The following FZD3 variants were observed in gnomAD, a reference collection of about 807,000 sequenced individuals.
FZD3 encodes frizzled-3.
Under a neutral mutation model 60.7 loss-of-function variants are expected in FZD3, and 30 were observed. The ratio of observed to expected loss-of-function variants is 0.49; its 90% CI spans 0.37 to 0.67. The LOEUF (loss-of-function observed/expected upper bound fraction) is 0.67. FZD3 is among the 30% of genes least tolerant of loss of function. FZD3 has a pLI of 0.00. For synonymous variants in FZD3, 246 were observed against 275.2 expected, an observed-to-expected ratio of 0.89 and a Z score of 1.05; for missense variants, 605 against 838.7, an observed-to-expected ratio of 0.72 and a Z score of 3.44.
chr8:28,508,278 TC>T (rs1365762444), intron 3 of FZD3, among the ~76,000 whole-genome samples: 1 of 152,116 alleles, frequency 6.6e-6, no homozygotes, highest in Non-Finnish European at 1.5e-5. Context: ...TTCATAAAAT[TC>T]CGCGTCAAAC....
rs150596120 is a variant in FZD3, at chr8:28,540,278, G to A, written c.1405-11325G>A. Among the ~76,000 whole-genome samples, 263 of 152,242 alleles carry A rather than the reference G, an allele frequency of 1.7e-3. 3 individuals are homozygous for A. The highest frequency in any genetic ancestry group is 6.0e-3 in the African/African-American group (250 of 41,536). ...AGAGTCTCGCTCTGTTACCCAGGCT[G>A]GAGTGCAATGGCACGATCTCGGCTC... On this transcript the variant is annotated intron_variant, in intron 5 of 7. Transcript: ENST00000240093.
At chr8:28,542,118 C>T (rs1216509257) in intron 5 of FZD3, among the ~76,000 whole-genome samples, 7 of 146,292 alleles carry the variant, frequency 4.8e-5, no homozygotes, top group African/African-American at 7.5e-5. Context: ...TTTAACTACT[C>T]CCTGCAGTGC....
At chr8:28,559,370 T>C (rs919542053) in intron 7 of FZD3, among the ~76,000 whole-genome samples, 1 of 152,208 alleles carries the variant, frequency 6.6e-6, no homozygotes, top group Non-Finnish European at 1.5e-5. Flanking sequence ...TTATCATTCT[T>C]TTTGTTACTA....
chr8:28,514,631 C>A (rs1168554079), intron 3 of FZD3, among the ~76,000 whole-genome samples: 1 of 152,148 alleles, frequency 6.6e-6, no homozygotes, highest in Non-Finnish European at 1.5e-5. Flanking sequence ...TAAATAGAAT[C>A]ATGCCGTATC....
rs145468910 is a variant in FZD3, at chr8:28,503,587, G to A, written c.189+385G>A. ...TTTGCTGCCTTATTTGAATTTTTCA[G>A]TGGTAATTCTTCAGACATTTCTTAA... On this transcript the variant is annotated intron_variant, in intron 3 of 7. Transcript: ENST00000240093. Among the ~76,000 whole-genome samples, 63 of 152,292 alleles carry A rather than the reference G, an allele frequency of 4.1e-4. No individual in the cohort carries two copies. In the East Asian group the frequency reaches 0.012, roughly 28 times the overall value.
intron 1 of FZD3, among the ~76,000 whole-genome samples, chr8:28,498,244 A>G (rs569274763): frequency 1.3e-5 from 2 of 152,272 alleles, no homozygotes; most frequent in African/African-American, 4.8e-5. Context: ...TGGCCCCTGA[A>G]GCTGCTCACT....
At chr8:28,501,003 G>A (rs900530033) in intron 2 of FZD3, among the ~76,000 whole-genome samples, 12 of 152,030 alleles carry the variant, frequency 7.9e-5, no homozygotes, top group African/African-American at 1.9e-4. Flanking sequence ...CTCGTGATCC[G>A]CCTGCCTCGG....
At chr8:28,518,939 A>G (rs1166402480) in intron 3 of FZD3, among the ~76,000 whole-genome samples, 1 of 152,204 alleles carries the variant, frequency 6.6e-6, no homozygotes, top group African/African-American at 2.4e-5. Flanking sequence ...TAAATAGATA[A>G]CTTAAAATTT....
At position 28,573,277 on chromosome 8, in the gene FZD3, T is replaced by A. The variant is rs1322697103; in HGVS notation, c.*10266T>A. 1 of 152,156 alleles carries A rather than the reference T, an allele frequency of 6.6e-6. No homozygotes were observed. The highest frequency in any genetic ancestry group is 1.5e-5 in the Non-Finnish European group (1 of 68,006). The allele number at this position is 152,156 out of a possible 1,614,324, so 9.4% of individuals were successfully genotyped here. On this transcript the variant is annotated 3_prime_UTR_variant, in exon 8 of 8. Transcript: ENST00000240093. The stretch of plus-strand genomic sequence containing the variant: ...AGTGTTAGTGACTATAGCCCTTTTA[T>A]CTCTCTTAAAGAGAAATCTGCATTA...
chr8:28,553,333 G>A (rs1805447687), intron 6 of FZD3, among the ~76,000 whole-genome samples: 1 of 152,194 alleles, frequency 6.6e-6, no homozygotes, highest in South Asian at 2.1e-4. Context: ...TGATTTGATA[G>A]CAAACAGAAC....
At chr8:28,539,979 A>G (rs1805121275) in intron 5 of FZD3, among the ~76,000 whole-genome samples, 2 of 152,178 alleles carry the variant, frequency 1.3e-5, no homozygotes, top group Admixed American at 6.5e-5. Context: ...GTATCTAAAT[A>G]GAAAAATCAA....
chr8:28,545,469 A>G (rs1443984072), intron 5 of FZD3, among the ~76,000 whole-genome samples: 1 of 150,712 alleles, frequency 6.6e-6, no homozygotes, highest in African/African-American at 2.4e-5. Flanking sequence ...GGAAACAGAA[A>G]GAGAGAAAGG....
In FZD3 at chr8:28,562,884, G is replaced by A. The variant is rs1805640030; in HGVS notation, c.1874G>A (p.Ser625Asn). 3.1e-6 allele frequency: 5 copies of A among 1,613,458 alleles called. No homozygotes were observed. Among genetic ancestry groups the A allele is most frequent in the African/African-American group, 1.3e-5 (1 of 75,010 alleles). Residue 625 changes from serine to asparagine, a missense_variant, in exon 8 of 8, where the codon AGT (serine) becomes AAT (asparagine). Coordinates refer to ENST00000240093, the MANE Select transcript of FZD3 (RefSeq NM_017412.4). ...CTAACAGATCACTCCAGGCATAGTA[G>A]TTCTCATCGGCTCAATGAACAGTCA... is the stretch of plus-strand genomic sequence containing the variant. ...SRLTDHSRHS[S>N]SHRLNEQSRH...
chr8:28,521,598 T>C (rs1045594234), intron 4 of FZD3, among the ~76,000 whole-genome samples: 7 of 152,198 alleles, frequency 4.6e-5, no homozygotes, highest in African/African-American at 1.7e-4. Flanking sequence ...CTTGAGCTTA[T>C]TATCTTCTTT....
chr8:28,541,566 GCTCT>G (rs1323404638), intron 5 of FZD3, among the ~76,000 whole-genome samples: 2 of 152,118 alleles, frequency 1.3e-5, no homozygotes, highest in Non-Finnish European at 2.9e-5. Flanking sequence ...TCTCTCCTAG[GCTCT>G]CTGTTTTCTT....
intron 5 of FZD3, among the ~76,000 whole-genome samples, chr8:28,544,668 T>C (rs937959575): frequency 1.3e-5 from 2 of 152,144 alleles, no homozygotes; most frequent in Non-Finnish European, 2.9e-5. Flanking sequence ...CCAAAATATG[T>C]GGGAAGAAAA....
intron 7 of FZD3, among the ~76,000 whole-genome samples, chr8:28,559,256 CTA>C (rs1161649541): frequency 6.6e-6 from 1 of 152,108 alleles, no homozygotes; most frequent in Non-Finnish European, 1.5e-5. Flanking sequence ...CCTTGAGTCA[CTA>C]TTAAGAAAAG....
intron 5 of FZD3, among the ~76,000 whole-genome samples, chr8:28,541,449 C>T (rs1279128100): frequency 1.3e-5 from 2 of 152,118 alleles, no homozygotes; most frequent in Admixed American, 6.5e-5. Context: ...TTGTTTTTAG[C>T]GCTCCTTCCC....
chr8:28,528,677 A>G (rs7000945), intron 5 of FZD3, among the ~76,000 whole-genome samples: 5,325 of 152,222 alleles, frequency 0.035, 302 homozygotes, highest in African/African-American at 0.12. Context: ...ATGGAATTTT[A>G]AATCTAGAAA....
Sources: allele counts gnomAD v4.1 joint callset (sites outside exome capture counted in the v4.1 genomes callset), GRCh38; gene constraint gnomAD v4.1.1; transcripts MANE v1.5; gene names NCBI Gene and HGNC (gene_info 2026-07-23, HGNC 2026-07-21).